DIP2C: variants seen among roughly 807,000 people sequenced by gnomAD.
DIP2C encodes the protein disco-interacting protein 2 homolog C.
A neutral mutation model predicts 192.4 loss-of-function variants in DIP2C; 33 were observed. The observed-to-expected ratio is 0.17, with a 90% CI of 0.13 to 0.23. DIP2C has a LOEUF of 0.23. Among genes scored for constraint, DIP2C ranks in the 10% least tolerant of loss-of-function variants. The pLI is 1.00. For missense variants in DIP2C, 1,537 were observed against 2,110.1 expected (o/e 0.73, Z 5.32); for synonymous variants, 979 against 864.1 (o/e 1.13, Z -2.33).
rs1222631134 is a variant in DIP2C at position 689,078 on chromosome 10, G to C, written c.85+416C>G. ...GCCGCGGCTCCAGCGCAGAGCGCAC[G>C]GGAAGGCCGATCCCGCCGGGCCCGC... On this transcript the variant is annotated intron_variant, in intron 1 of 36. Transcript: ENST00000280886. The surrounding 1 kb of genome is among the most constrained non-coding windows in gnomAD (Gnocchi z 6.1). 6.6e-6 allele frequency among the ~76,000 whole-genome samples: 1 copy of C among 152,012 alleles called. No individual in the cohort carries two copies. The highest frequency in any genetic ancestry group is 1.5e-5 in the Non-Finnish European group (1 of 67,968).
chr10:569,787 G>A (rs1849672119), intron 1 of DIP2C, among the ~76,000 whole-genome samples: 1 of 152,142 alleles, frequency 6.6e-6, no homozygotes, highest in African/African-American at 2.4e-5. Context: ...GTAGGGAGGA[G>A]AGAGGATGGC....
In DIP2C at chr10:670,107, C is replaced by T. The variant is rs1440059784; in HGVS notation, c.85+19387G>A. ...ACACATGCATACACACACATCCACA[C>T]GTGTACATATGCTCATACATGTACA... On this transcript the variant is annotated intron_variant, in intron 1 of 36. Coordinates refer to ENST00000280886, the MANE Select transcript of DIP2C (RefSeq NM_014974.3). Among the ~76,000 whole-genome samples, 7 of 152,080 alleles carry T rather than the reference C, an allele frequency of 4.6e-5. 1 individual carries two copies. In the South Asian group the frequency reaches 8.3e-4, roughly 18 times the overall value.
At chr10:484,522 G>A (rs1843853523) in intron 2 of DIP2C, among the ~76,000 whole-genome samples, 1 of 152,152 alleles carries the variant, frequency 6.6e-6, no homozygotes, top group Non-Finnish European at 1.5e-5. Flanking sequence ...TTTTCTAAGT[G>A]GTGCCCAACT....
chr10:551,080 C>T (rs1479323529), intron 1 of DIP2C, among the ~76,000 whole-genome samples: 5 of 150,754 alleles, frequency 3.3e-5, no homozygotes, highest in Non-Finnish European at 5.9e-5. Context: ...ACCATGCACA[C>T]GGCTTCCCCG....
At chr10:538,176 G>C (rs1847795432) in intron 1 of DIP2C, among the ~76,000 whole-genome samples, 1 of 152,024 alleles carries the variant, frequency 6.6e-6, no homozygotes, top group South Asian at 2.1e-4. Flanking sequence ...AGTTTTCTTT[G>C]GGACAGGGTC....
At chr10:522,608 C>T (rs888156546) in intron 1 of DIP2C, among the ~76,000 whole-genome samples, 5 of 152,246 alleles carry the variant, frequency 3.3e-5, no homozygotes, top group African/African-American at 2.4e-5. Flanking sequence ...TGCGCAGTGG[C>T]GCCTCGCCCT....
At chr10:305,499 G>A (rs1956274418) in intron 32 of DIP2C, among the ~76,000 whole-genome samples, 1 of 152,190 alleles carries the variant, frequency 6.6e-6, no homozygotes, top group Non-Finnish European at 1.5e-5. Flanking sequence ...GCTAACCAAT[G>A]AGTAGGAATT....
At chr10:285,521 C>A (rs914496831) in intron 34 of DIP2C, among the ~76,000 whole-genome samples, 1 of 152,218 alleles carries the variant, frequency 6.6e-6, no homozygotes, top group Admixed American at 6.5e-5. Flanking sequence ...AGGAGGCTGG[C>A]TCCAGACATG....
At chr10:550,172 G>A (rs1357058302) in intron 1 of DIP2C, among the ~76,000 whole-genome samples, 4 of 152,014 alleles carry the variant, frequency 2.6e-5, no homozygotes, top group Non-Finnish European at 4.4e-5. Flanking sequence ...ACCATGCCCA[G>A]CTAATTTTTG....
intron 1 of DIP2C, among the ~76,000 whole-genome samples, chr10:619,308 C>A (rs1372828587): frequency 6.6e-6 from 1 of 152,226 alleles, no homozygotes; most frequent in African/African-American, 2.4e-5. Context: ...TTTCTGGAAA[C>A]TGGAATCCAA....
intron 24 of DIP2C, among the ~76,000 whole-genome samples, chr10:351,926 G>A (rs1436978704): frequency 1.3e-5 from 2 of 152,106 alleles, no homozygotes; most frequent in African/African-American, 4.8e-5. Context: ...CCGACTCCAG[G>A]GGCAGGTCTC....
chr10:452,039 C>G (rs542072744), intron 3 of DIP2C, among the ~76,000 whole-genome samples: 1 of 152,100 alleles, frequency 6.6e-6, no homozygotes, highest in Admixed American at 6.5e-5. Context: ...CGACTCCAGA[C>G]GAGGACAGAG....
chr10:427,920 TAAAGG>T (rs1201445042), intron 4 of DIP2C, among the ~76,000 whole-genome samples: 3 of 152,136 alleles, frequency 2.0e-5, no homozygotes, highest in East Asian at 3.8e-4. Flanking sequence ...CCTCCCAAGA[TAAAGG>T]AAATTATACG....
intron 36 of DIP2C, among the ~76,000 whole-genome samples, chr10:279,835 T>C (rs1467324644): frequency 6.6e-6 from 1 of 152,164 alleles, no homozygotes; most frequent in African/African-American, 2.4e-5. Context: ...TGTTACAGAA[T>C]AAGCACCACG....
At chr10:601,092 T>C (rs1406934229) in intron 1 of DIP2C, among the ~76,000 whole-genome samples, 1 of 152,222 alleles carries the variant, frequency 6.6e-6, no homozygotes, top group Non-Finnish European at 1.5e-5. Context: ...CAGCCTACAC[T>C]CTTTACTCCC....
rs147415000 is a variant in DIP2C, at chr10:327,479, T to C, written c.3754-303A>G. On this transcript the variant is annotated intron_variant, in intron 30 of 36. Transcript: ENST00000280886. ...AAAAGCAACTTCCTGGCTGAGACGA[T>C]GAAAGGCCGTTCGGGAAAAGAGAGC... Among the ~76,000 whole-genome samples, 244 of 152,304 alleles carry C rather than the reference T, an allele frequency of 1.6e-3. 2 individuals carry two copies. The highest frequency in any genetic ancestry group is 5.5e-3 in the African/African-American group (230 of 41,570).
In DIP2C at chr10:407,483, T is replaced by C. The variant is rs190085009; in HGVS notation, c.1149+1443A>G. On this transcript the variant is annotated intron_variant, in intron 9 of 36. Transcript: ENST00000280886. ...ACTGCTGGATCACACAGTAATTCCA[T>C]GTTTAATTCTTTGAGGGACTGTCAC... Among the ~76,000 whole-genome samples, 99 of 152,310 alleles carry C rather than the reference T, an allele frequency of 6.5e-4. 1 individual carries two copies. The highest frequency in any genetic ancestry group is 2.2e-3 in the African/African-American group (92 of 41,566).
At chr10:614,393 C>G (rs959592826) in intron 1 of DIP2C, among the ~76,000 whole-genome samples, 4 of 152,346 alleles carry the variant, frequency 2.6e-5, no homozygotes, top group South Asian at 4.1e-4. Flanking sequence ...GCACACAGTA[C>G]CCAAGTCTAA....
At chr10:293,282 C>G (rs371655893) in intron 32 of DIP2C, among the ~76,000 whole-genome samples, 3 of 152,340 alleles carry the variant, frequency 2.0e-5, no homozygotes, top group East Asian at 1.9e-4. Flanking sequence ...CTGGTGCTGT[C>G]CTCAGTGCCA....
Sources: gnomAD v4.1 joint callset for allele counts (sites outside exome capture counted in the v4.1 genomes callset) on GRCh38, gnomAD v4.1.1 for gene constraint, Gnocchi (gnomAD v3.1) non-coding constraint, MANE v1.5 for transcripts, NCBI Gene and HGNC (gene_info 2026-07-23, HGNC 2026-07-21) for gene names.